The following MALRD1 variants were observed in gnomAD, a reference collection of about 807,000 sequenced individuals.
The protein encoded by MALRD1 is MAM and LDL-receptor class A domain-containing protein 1.
A neutral mutation model predicts 242.1 loss-of-function variants in MALRD1; 247 were observed. The observed-to-expected ratio is 1.02, with a 90% CI of 0.92 to 1.13. The LOEUF (loss-of-function observed/expected upper bound fraction) is 1.13. MALRD1 is among the 50% of genes most tolerant of loss of function. The pLI, the probability that MALRD1 is intolerant of heterozygous loss-of-function variation, is 0.00. For missense variants in MALRD1, 2,989 were observed against 2,533.1 expected (o/e 1.18, Z -3.86); for synonymous variants, 995 against 866.6 (o/e 1.15, Z -2.60).
intron 31 of MALRD1, among the ~76,000 whole-genome samples, chr10:19,507,791 G>A (rs1833208301): frequency 6.6e-6 from 1 of 152,162 alleles, no homozygotes; most frequent in South Asian, 2.1e-4. Context: ...TCACCACATT[G>A]AAAATGTATG....
intron 33 of MALRD1, among the ~76,000 whole-genome samples, chr10:19,594,830 A>G (rs1432202693): frequency 1.3e-5 from 2 of 152,046 alleles, no homozygotes; most frequent in Non-Finnish European, 2.9e-5. Flanking sequence ...TGGGGACTCA[A>G]GGGGAAAGAT....
At chr10:19,211,181 T>C (rs995253957) in intron 18 of MALRD1, among the ~76,000 whole-genome samples, 1 of 152,128 alleles carries the variant, frequency 6.6e-6, no homozygotes, top group Non-Finnish European at 1.5e-5. Flanking sequence ...GGGAAGCAGC[T>C]TCATAGCCAG....
Position 19,257,785 on chromosome 10 carries a change from T to G in MALRD1, c.3079+14T>G. On this transcript the variant is annotated intron_variant, in intron 19 of 39. Transcript: ENST00000454679. The stretch of plus-strand genomic sequence containing the variant: ...CCCTCTACCCTGGTAAGAGAGAACA[T>G]TTCAATTTGGGGTTATTTCTAAATC... The G allele has an allele frequency of 2.7e-6, 4 of 1,455,896 alleles. No homozygotes were observed. The highest frequency in any genetic ancestry group is 3.7e-6 in the Non-Finnish European group (4 of 1,089,000). The allele number at this position is 1,455,896 out of a possible 1,614,324, so 90.2% of individuals were successfully genotyped here.
At chr10:19,512,639 C>A in intron 31 of MALRD1, among the ~76,000 whole-genome samples, 1 of 152,148 alleles carries the variant, frequency 6.6e-6, no homozygotes, top group East Asian at 1.9e-4. Flanking sequence ...ATACAAACTA[C>A]AAGAACACAT....
At chr10:19,456,923 C>A (rs1835689213) in intron 29 of MALRD1, among the ~76,000 whole-genome samples, 9 of 151,914 alleles carry the variant, frequency 5.9e-5, no homozygotes. Flanking sequence ...CAGGCATGCA[C>A]CACCATGCCC....
At chr10:19,651,844 T>C (rs1840907967) in intron 36 of MALRD1, among the ~76,000 whole-genome samples, 1 of 152,200 alleles carries the variant, frequency 6.6e-6, no homozygotes, top group African/African-American at 2.4e-5. Context: ...GAAATGACTC[T>C]GACGAATTTA....
chr10:19,304,933 C>T (rs1027240611), intron 21 of MALRD1, among the ~76,000 whole-genome samples: 6 of 151,666 alleles, frequency 4.0e-5, no homozygotes, highest in African/African-American at 1.5e-4. Flanking sequence ...GTTAATAGTA[C>T]AGTAGATGTT....
chr10:19,334,859 A>G (rs1843532862), intron 24 of MALRD1, among the ~76,000 whole-genome samples: 1 of 152,048 alleles, frequency 6.6e-6, no homozygotes, highest in African/African-American at 2.4e-5. Flanking sequence ...TTTGAATTTT[A>G]TTTGTAATGT....
rs117569186 is a variant in MALRD1, at chr10:19,445,653, C to T, written c.4846-4654C>T. Among the ~76,000 whole-genome samples, 1,455 of 152,298 alleles carry T rather than the reference C, an allele frequency of 9.6e-3. 19 individuals are homozygous for T. Among genetic ancestry groups the T allele is most frequent in the Admixed American group, 0.027 (409 of 15,302 alleles). ...AGAATGGCAAATGGTGCTGCCTGAT[C>T]GTTCCTCTGGAATCTTTGTCTCAGA... On this transcript the variant is annotated intron_variant, in intron 28 of 39. Coordinates refer to ENST00000454679, the MANE Select transcript of MALRD1 (RefSeq NM_001142308.3).
At chr10:19,432,552 G>A (rs1256897149) in intron 28 of MALRD1, among the ~76,000 whole-genome samples, 1 of 152,140 alleles carries the variant, frequency 6.6e-6, no homozygotes, top group African/African-American at 2.4e-5. Context: ...ACAATGCTCT[G>A]TTTTAGGCAT....
At chr10:19,235,195 G>C (rs1256578964) in intron 18 of MALRD1, among the ~76,000 whole-genome samples, 1 of 152,058 alleles carries the variant, frequency 6.6e-6, no homozygotes, top group Non-Finnish European at 1.5e-5. Flanking sequence ...CCGCTCTTTT[G>C]GCTGTAAGGG....
rs1564397363 is a variant in MALRD1 at position 19,504,663 on chromosome 10, C to CTTTTTTTTTTTTTTTTTTT, written c.5320+6017_5320+6018insTTTTTTTTTTTTTTTTTTT. Among the ~76,000 whole-genome samples, 2 of 128,698 alleles carry CTTTTTTTTTTTTTTTTTTT rather than the reference C, an allele frequency of 1.6e-5. 1 individual carries two copies. The highest frequency in any genetic ancestry group is 1.5e-4 in the Admixed American group (2 of 13,022). The allele number at this position is 128,698 out of a possible 152,430, so 84.4% of individuals were successfully genotyped here. The stretch of plus-strand genomic sequence containing the variant: ...AACATATAATGACTATATTGTAACA[C>CTTTTTTTTTTTTTTTTTTT]ATTTTTTTTTTTTTTTTTTTTTTTT... On this transcript the variant is annotated intron_variant, in intron 31 of 39. Transcript: ENST00000454679.
In MALRD1 at chr10:19,247,185, G is replaced by A. The variant is rs368790007; in HGVS notation, c.2992-10499G>A. 3.0e-4 allele frequency among the ~76,000 whole-genome samples: 45 copies of A among 152,130 alleles called. No homozygotes were observed. The East Asian group carries it at 7.1e-3, about 24-fold the overall frequency. ...AAATGGAGTTTTTTTAAATAGAAAA[G>A]CCAAAGGGCTTGTTGGTTGTACTAC... is the stretch of plus-strand genomic sequence containing the variant. On this transcript the variant is annotated intron_variant, in intron 18 of 39. Transcript: ENST00000454679.
intron 31 of MALRD1, among the ~76,000 whole-genome samples, chr10:19,523,905 G>T (rs1385447502): frequency 2.6e-5 from 4 of 152,162 alleles, no homozygotes; most frequent in Admixed American, 6.5e-5. Context: ...TGGTAAAAAA[G>T]TGTTTTTATT....
At chr10:19,528,877 C>T (rs532195893) in intron 31 of MALRD1, among the ~76,000 whole-genome samples, 83 of 152,260 alleles carry the variant, frequency 5.5e-4, no homozygotes, top group Non-Finnish European at 1.0e-3. Context: ...GGACAGCCAG[C>T]CAGACAGACA....
At chr10:19,317,467 T>C (rs1291518161) in intron 21 of MALRD1, among the ~76,000 whole-genome samples, 1 of 151,860 alleles carries the variant, frequency 6.6e-6, no homozygotes, top group Non-Finnish European at 1.5e-5. Flanking sequence ...CCATAGCAAG[T>C]TTTTTGTATT....
intron 8 of MALRD1, among the ~76,000 whole-genome samples, chr10:19,128,860 T>C (rs1837364265): frequency 6.6e-6 from 1 of 152,164 alleles, no homozygotes; most frequent in African/African-American, 2.4e-5. Context: ...AGTCCATTCT[T>C]CTTCTCTCTC....
chr10:19,290,285 G>A (rs1841347385), intron 21 of MALRD1: 1 of 152,076 alleles, frequency 6.6e-6, no homozygotes, highest in South Asian at 2.1e-4. Flanking sequence ...ATTCCATACA[G>A]CTAGTTTATT....
chr10:19,648,890 C>T (rs1376797980), intron 36 of MALRD1, among the ~76,000 whole-genome samples: 2 of 152,144 alleles, frequency 1.3e-5, no homozygotes, highest in Non-Finnish European at 2.9e-5. Flanking sequence ...CCCCTCCCTC[C>T]TCTCACCCAC....
Sources: allele counts gnomAD v4.1 joint callset (sites outside exome capture counted in the v4.1 genomes callset), GRCh38; gene constraint gnomAD v4.1.1; transcripts MANE v1.5; gene names NCBI Gene and HGNC (gene_info 2026-07-23, HGNC 2026-07-21).